SOX6: variants seen among roughly 807,000 people sequenced by gnomAD.
SOX6 encodes the protein transcription factor SOX-6.
Under a neutral mutation model 97.8 loss-of-function variants are expected in SOX6, and 11 were observed. The observed-to-expected ratio is 0.11, with a 90% CI of 0.07 to 0.19. SOX6 has a LOEUF of 0.19. Ranked by LOEUF, SOX6 falls within the 10% of genes least tolerant of loss-of-function variation. The pLI is 1.00. For missense variants in SOX6, 810 were observed against 1,039.5 expected (o/e 0.78, Z 3.04); for synonymous variants, 360 against 371.4 (o/e 0.97, Z 0.35).
At chr11:16,454,046 C>T (rs1859767902) in intron 1 of SOX6, among the ~76,000 whole-genome samples, 1 of 152,100 alleles carries the variant, frequency 6.6e-6, no homozygotes, top group Non-Finnish European at 1.5e-5. Flanking sequence ...CATGCAGAAT[C>T]GTGGCCACTA....
intron 9 of SOX6, among the ~76,000 whole-genome samples, chr11:16,068,449 C>T (rs1848145147): frequency 6.6e-6 from 1 of 152,108 alleles, no homozygotes; most frequent in South Asian, 2.1e-4. Context: ...ATCACAAATA[C>T]TTTTACTTTT....
At chr11:16,636,011 C>T (rs1357946389) in intron 3 of SOX6, among the ~76,000 whole-genome samples, 2 of 152,180 alleles carry the variant, frequency 1.3e-5, no homozygotes, top group African/African-American at 2.4e-5. Context: ...TAGGGCAGCG[C>T]AGAAGGGAAA....
At chr11:16,278,263 A>T (rs10734240) in intron 3 of SOX6, among the ~76,000 whole-genome samples, 144,386 of 152,224 alleles carry the variant, frequency 0.95, 68,922 homozygotes, top group East Asian at 1. Flanking sequence ...AACTTTCATT[A>T]AAATAAAAGA....
At chr11:16,399,805 T>TG (rs2134440251) in intron 1 of SOX6, among the ~76,000 whole-genome samples, 1 of 151,304 alleles carries the variant, frequency 6.6e-6, no homozygotes, top group East Asian at 1.9e-4. Flanking sequence ...AGTAAAAGCT[T>TG]GGGGTATTTG....
At chr11:16,105,563 G>A (rs1410729535) in intron 7 of SOX6, among the ~76,000 whole-genome samples, 1 of 151,950 alleles carries the variant, frequency 6.6e-6, no homozygotes, top group Non-Finnish European at 1.5e-5. Context: ...GCTAGACCCT[G>A]TTTGTTAAAC....
At chr11:16,385,895 A>C (rs1050377161) in intron 1 of SOX6, among the ~76,000 whole-genome samples, 1 of 152,128 alleles carries the variant, frequency 6.6e-6, no homozygotes, top group Non-Finnish European at 1.5e-5. Context: ...TTCCTTTCCC[A>C]CTAGCTAATA....
At chr11:16,633,307 T>C (rs1477107439) in intron 3 of SOX6, among the ~76,000 whole-genome samples, 3 of 152,242 alleles carry the variant, frequency 2.0e-5, no homozygotes, top group Non-Finnish European at 2.9e-5. Flanking sequence ...TTATTGTCAA[T>C]GCTATGCTAC....
chr11:16,626,030 G>A (rs1381548379), intron 3 of SOX6, among the ~76,000 whole-genome samples: 1 of 152,168 alleles, frequency 6.6e-6, no homozygotes, highest in Non-Finnish European at 1.5e-5. Context: ...CTGAGGTGGT[G>A]GCAGTTTTTT....
intron 5 of SOX6, among the ~76,000 whole-genome samples, chr11:16,186,232 T>C (rs1295940619): frequency 6.6e-6 from 1 of 152,172 alleles, no homozygotes; most frequent in Non-Finnish European, 1.5e-5. Flanking sequence ...ATGTGATGTA[T>C]CATCCAAACC....
Position 16,070,132 on chromosome 11 carries a change from G to A in SOX6, c.1102-14231C>T, listed in dbSNP as rs368037697. Among the ~76,000 whole-genome samples the A allele has an allele frequency of 1.3e-4, 20 of 152,226 alleles. 1 individual carries two copies. The South Asian group carries it at 1.5e-3, about 11-fold the overall frequency. The stretch of plus-strand genomic sequence containing the variant: ...ATTGCGCCACTGCACTCCAGCCTGG[G>A]CAACAGAGTGAGACTCCATCTCAAA... On this transcript the variant is annotated intron_variant, in intron 9 of 15. Coordinates refer to ENST00000683767, the MANE Select transcript of SOX6 (RefSeq NM_001367873.1).
At chr11:16,111,717 C>A (rs1849233650) in intron 7 of SOX6, 86 bp downstream of exon 7, 1 of 1,511,810 alleles carries the variant, frequency 6.6e-7, no homozygotes, top group Admixed American at 1.7e-5. Context: ...AGTTCCCTGG[C>A]ATGCTCCTGT....
At chr11:16,177,332 C>T (rs903982211) in intron 6 of SOX6, among the ~76,000 whole-genome samples, 1 of 151,898 alleles carries the variant, frequency 6.6e-6, no homozygotes, top group Non-Finnish European at 1.5e-5. Flanking sequence ...TAATACAACT[C>T]TTACTGTAGT....
intron 15 of SOX6, among the ~76,000 whole-genome samples, chr11:15,980,856 T>C (rs1853633427): frequency 6.6e-6 from 1 of 152,110 alleles, no homozygotes; most frequent in African/African-American, 2.4e-5. Flanking sequence ...TATGCAGTGC[T>C]GTGCCATGTC....
chr11:15,980,932 T>G (rs897372068), intron 15 of SOX6, among the ~76,000 whole-genome samples: 5 of 151,778 alleles, frequency 3.3e-5, no homozygotes, highest in Non-Finnish European at 7.4e-5. Context: ...GTATCTGGCT[T>G]CTCCAACTAT....
intron 14 of SOX6, among the ~76,000 whole-genome samples, chr11:15,987,064 T>A (rs1853870088): frequency 6.6e-6 from 1 of 152,212 alleles, no homozygotes; most frequent in South Asian, 2.1e-4. Flanking sequence ...AGTACAAAAA[T>A]TTTAATACGG....
intron 6 of SOX6, among the ~76,000 whole-genome samples, chr11:16,131,528 T>C (rs80299833): frequency 6.6e-6 from 1 of 152,090 alleles, no homozygotes; most frequent in Non-Finnish European, 1.5e-5. Flanking sequence ...ATAGCCACTT[T>C]CTTTTACAGA....
intron 7 of SOX6, among the ~76,000 whole-genome samples, chr11:16,100,660 G>C (rs1848920462): frequency 6.6e-6 from 1 of 151,222 alleles, no homozygotes; most frequent in Non-Finnish European, 1.5e-5. Context: ...AGGAGAAGGG[G>C]AGCTTGTACT....
intron 4 of SOX6, among the ~76,000 whole-genome samples, chr11:16,515,216 C>T (rs1860950255): frequency 6.6e-6 from 1 of 152,088 alleles, no homozygotes; most frequent in Non-Finnish European, 1.5e-5. Flanking sequence ...CTGTTGTTTC[C>T]TGACTTTTTA....
intron 2 of SOX6, among the ~76,000 whole-genome samples, chr11:16,735,752 A>G (rs1848386377): frequency 6.6e-6 from 1 of 152,174 alleles, no homozygotes. Context: ...ATCACCTATA[A>G]AAAGCACCTA....
Sources: allele counts gnomAD v4.1 joint callset (sites outside exome capture counted in the v4.1 genomes callset), GRCh38; gene constraint gnomAD v4.1.1; transcripts MANE v1.5; gene names NCBI Gene and HGNC (gene_info 2026-07-23, HGNC 2026-07-21).